The following POLA1 variants were observed in gnomAD, a reference collection of about 807,000 sequenced individuals.
POLA1 encodes the protein DNA polymerase alpha 1, catalytic subunit.
In POLA1, 15 loss-of-function variants were observed where a neutral mutation model predicts 124.0. That is an observed-to-expected ratio of 0.12 (90% confidence interval 0.08 to 0.19). The LOEUF is 0.19. POLA1 is among the 10% of genes least tolerant of loss of function. The pLI is 1.00. For synonymous variants in POLA1, 408 were observed against 389.4 expected, an observed-to-expected ratio of 1.05 and a Z score of -0.56; for missense variants, 886 against 1,103.4, an observed-to-expected ratio of 0.80 and a Z score of 2.79.
chrX:24,920,343 G>A (rs958399075), intron 35 of POLA1, among the ~76,000 whole-genome samples: 3 of 111,305 alleles, frequency 2.7e-5, no homozygotes, highest in Non-Finnish European at 5.6e-5. Context: ...TTTGCCTCTA[G>A]CCCGCAGGCC....
rs1602297521 is a variant in POLA1 at position 24,732,169 on chromosome X, C to T, written c.1687-201C>T. Among the ~76,000 whole-genome samples the T allele has an allele frequency of 3.6e-5, 4 of 111,213 alleles. 1 individual carries two copies. Among genetic ancestry groups the T allele is most frequent in the Middle Eastern group, 9.2e-3 (2 of 217 alleles). ...GGGGTTTTACCATGTTGGCCAGGCT[C>T]GTCTCGAACTCCTGACCTCAAGTGG... On this transcript the variant is annotated intron_variant, in intron 15 of 36. Coordinates refer to ENST00000379068, the MANE Select transcript of POLA1 (RefSeq NM_001330360.2).
chrX:24,841,879 T>C (rs1477468440), intron 33 of POLA1, 49 bp downstream of exon 33: 1 of 948,269 alleles, frequency 1.1e-6, no homozygotes, highest in East Asian at 3.2e-5. Context: ...TATAAAGGCC[T>C]TACCCCCTTC....
intron 36 of POLA1, among the ~76,000 whole-genome samples, chrX:24,959,463 CAA>C (rs370136898): frequency 1.3e-4 from 11 of 84,843 alleles, no homozygotes; most frequent in Admixed American, 2.6e-4. Flanking sequence ...GACTCCATCT[CAA>C]AAAAAAAAAA....
At chrX:24,971,761 T>C (rs2048305031) in intron 36 of POLA1, among the ~76,000 whole-genome samples, 1 of 111,009 alleles carries the variant, frequency 9.0e-6, no homozygotes, top group Admixed American at 9.6e-5. Flanking sequence ...TATAAATTAA[T>C]CAAAATTTTC....
chrX:24,734,569 G>A (rs1008415067), intron 17 of POLA1, among the ~76,000 whole-genome samples: 2 of 111,367 alleles, frequency 1.8e-5, no homozygotes, highest in African/African-American at 6.5e-5. Context: ...GTGAAGTGCC[G>A]TGAATTACCT....
chrX:24,715,978 A>G (rs973247017), intron 6 of POLA1, among the ~76,000 whole-genome samples: 2 of 111,515 alleles, frequency 1.8e-5, no homozygotes, highest in African/African-American at 6.5e-5. Flanking sequence ...AGATTTGGCC[A>G]TTTCCCATAA....
intron 34 of POLA1, among the ~76,000 whole-genome samples, chrX:24,876,418 A>G (rs1311747827): frequency 1.8e-5 from 2 of 111,574 alleles, no homozygotes; most frequent in Non-Finnish European, 3.8e-5. Flanking sequence ...AAAGCCAAAT[A>G]GTTTTTACTT....
In POLA1 at chrX:24,879,886, A is replaced by G. The variant is rs775620634; in HGVS notation, c.4048-8120A>G. Reference sequence around the variant, plus strand: ...TTTAACTGTTCTGGTATTGTCCTCTAGGGGTAAAATACAATTGCTGGTAAT... The same window carrying G: ...TTTAACTGTTCTGGTATTGTCCTCTGGGGGTAAAATACAATTGCTGGTAAT... On this transcript the variant is annotated intron_variant, in intron 34 of 36. Coordinates refer to ENST00000379068, the MANE Select transcript of POLA1 (RefSeq NM_001330360.2). 9.0e-5 allele frequency among the ~76,000 whole-genome samples: 10 copies of G among 111,653 alleles called. No individual in the cohort carries two copies. The East Asian group carries it at 2.3e-3, about 25-fold the overall frequency.
chrX:24,966,740 A>G (rs2048228000), intron 36 of POLA1, among the ~76,000 whole-genome samples: 1 of 111,751 alleles, frequency 8.9e-6, no homozygotes, highest in African/African-American at 3.3e-5. Flanking sequence ...TGGCAGCTTT[A>G]ATTTGTTTGA....
intron 34 of POLA1, among the ~76,000 whole-genome samples, chrX:24,866,525 T>C (rs1262492364): frequency 8.9e-6 from 1 of 112,116 alleles, no homozygotes; most frequent in Non-Finnish European, 1.9e-5. Context: ...GAATTTCATA[T>C]CATGCCCATC....
intron 26 of POLA1, among the ~76,000 whole-genome samples, chrX:24,761,868 C>T (rs1932802010): frequency 9.0e-6 from 1 of 111,716 alleles, no homozygotes; most frequent in Non-Finnish European, 1.9e-5. Flanking sequence ...AGAGGAAAGC[C>T]TTCGGTAATG....
chrX:24,829,886 T>A (rs1160135948), intron 32 of POLA1, among the ~76,000 whole-genome samples: 16 of 112,397 alleles, frequency 1.4e-4, no homozygotes, highest in Non-Finnish European at 1.9e-5. Flanking sequence ...ATAAAAAAAC[T>A]GCAGCTAGTG....
chrX:24,841,408 T>C (rs1252178330), intron 32 of POLA1, among the ~76,000 whole-genome samples: 5 of 112,314 alleles, frequency 4.5e-5, no homozygotes, highest in Non-Finnish European at 9.4e-5. Context: ...AAAAACATCC[T>C]ATCGAAGTAG....
At chrX:24,725,322 G>A (rs1930473361) in intron 12 of POLA1, among the ~76,000 whole-genome samples, 1 of 106,828 alleles carries the variant, frequency 9.4e-6, no homozygotes, top group Admixed American at 1.0e-4. Context: ...AGCCTCCTGA[G>A]TAGCTGGGAT....
chrX:24,977,221 A>G, intron 36 of POLA1, among the ~76,000 whole-genome samples: 1 of 112,020 alleles, frequency 8.9e-6, no homozygotes, highest in Non-Finnish European at 1.9e-5. Flanking sequence ...GCTTCCTGAG[A>G]AAGAGTACTT....
chrX:24,855,830 C>A (rs1049488867), intron 34 of POLA1, among the ~76,000 whole-genome samples: 53 of 110,846 alleles, frequency 4.8e-4, no homozygotes, highest in Non-Finnish European at 1.7e-4. Flanking sequence ...CCCGCAGAAT[C>A]CTCGGATAGG....
Position 24,735,497 on chromosome X carries a change from A to G in POLA1, c.1923+9A>G, listed in dbSNP as rs944339405. 2 of 1,004,462 alleles carry G rather than the reference A, an allele frequency of 2.0e-6. No individual in the cohort carries two copies. The highest frequency in any genetic ancestry group is 1.4e-6 in the Non-Finnish European group (1 of 707,749). The allele number at this position is 1,004,462 out of a possible 1,213,427, so 82.8% of individuals were successfully genotyped here. On this transcript the variant is annotated intron_variant, in intron 18 of 36. Coordinates refer to ENST00000379068, the MANE Select transcript of POLA1 (RefSeq NM_001330360.2). ...ATCCTGATATCATTGTGGTGAGTAG[A>G]TGTTTGATCATGTTGTGGGGAAGCT... is the stretch of plus-strand genomic sequence containing the variant.
chrX:24,749,508 G>A (rs1932206244), intron 26 of POLA1, among the ~76,000 whole-genome samples: 1 of 112,086 alleles, frequency 8.9e-6, no homozygotes, highest in Non-Finnish European at 1.9e-5. Flanking sequence ...CTTTGAGGAG[G>A]TGACATGAAT....
intron 21 of POLA1, 58 bp downstream of exon 21, chrX:24,741,562 G>C (rs1931661287): frequency 1.9e-6 from 2 of 1,038,111 alleles, no homozygotes; most frequent in Non-Finnish European, 2.7e-6. Flanking sequence ...GTGTTTGCTT[G>C]GGGTAGTTGT....
Sources: gnomAD v4.1 joint callset for allele counts (sites outside exome capture counted in the v4.1 genomes callset) on GRCh38, gnomAD v4.1.1 for gene constraint, MANE v1.5 for transcripts, NCBI Gene and HGNC (gene_info 2026-07-23, HGNC 2026-07-21) for gene names.